CDKL3: variants seen among roughly 807,000 people sequenced by gnomAD.
CDKL3 encodes the protein cyclin-dependent kinase-like 3.
A neutral mutation model predicts 69.3 loss-of-function variants in CDKL3; 65 were observed. The ratio of observed to expected loss-of-function variants is 0.94; its 90% CI spans 0.77 to 1.15. The LOEUF is 1.15. CDKL3 is among the 50% of genes most tolerant of loss of function. The pLI is 0.00. For synonymous variants in CDKL3, 202 were observed against 221.6 expected, an observed-to-expected ratio of 0.91 and a Z score of 0.79; for missense variants, 652 against 689.2, an observed-to-expected ratio of 0.95 and a Z score of 0.61.
At chr5:134,298,891 G>A (rs1465498604) in intron 12 of CDKL3, among the ~76,000 whole-genome samples, 181 bp from the exon 13 acceptor site, 2 of 151,972 alleles carry the variant, frequency 1.3e-5, no homozygotes, top group Non-Finnish European at 2.9e-5. Context: ...GCGGGGGGCA[G>A]CGGGATGGAG....
chr5:134,348,348 C>T (rs1485919179), intron 4 of CDKL3, among the ~76,000 whole-genome samples: 1 of 152,086 alleles, frequency 6.6e-6, no homozygotes, highest in Non-Finnish European at 1.5e-5. Flanking sequence ...GGGCAAAATC[C>T]TATTTTTTGA....
chr5:134,300,068 G>A (rs549538308), intron 12 of CDKL3, among the ~76,000 whole-genome samples: 1 of 152,294 alleles, frequency 6.6e-6, no homozygotes, highest in African/African-American at 2.4e-5. Flanking sequence ...GCAGGGCGTG[G>A]TGGCTCACAC....
intron 3 of CDKL3, among the ~76,000 whole-genome samples, chr5:134,355,092 T>C (rs1239499609): frequency 7.0e-6 from 1 of 142,774 alleles, no homozygotes; most frequent in East Asian, 2.1e-4. Context: ...TTGGCACTAC[T>C]AAAAATTAAA....
At chr5:134,288,912 T>G (rs114118002) in intron 8 of CDKL3, among the ~76,000 whole-genome samples, 1,900 of 152,124 alleles carry the variant, frequency 0.012, 33 homozygotes, top group African/African-American at 0.043. Flanking sequence ...AATATGTGAC[T>G]TTAAATAAAA....
chr5:134,288,274 A>G (rs1487175473), intron 8 of CDKL3, among the ~76,000 whole-genome samples: 1 of 152,188 alleles, frequency 6.6e-6, no homozygotes, highest in Admixed American at 6.5e-5. Context: ...AAAAGTTGGA[A>G]AGTGTTGAGC....
intron 2 of CDKL3, 83 bp downstream of exon 2, chr5:134,366,276 G>T: frequency 1.1e-6 from 1 of 945,776 alleles, no homozygotes; most frequent in Non-Finnish European, 1.5e-6. Flanking sequence ...ATCAGTACGT[G>T]TGAACTAAAA....
chr5:134,319,414 T>G lies in CDKL3; in HGVS notation c.736A>C (p.Lys246Gln). 1 of 1,543,104 alleles carries G rather than the reference T, an allele frequency of 6.5e-7. No homozygotes were observed. The highest frequency in any genetic ancestry group is 1.2e-5 in the South Asian group (1 of 81,696). Residue 246 changes from lysine to glutamine, a missense_variant, in exon 6 of 13, where the codon AAA (lysine) becomes CAA (glutamine). By Grantham distance (53) the Lys-to-Gln change is moderately conservative. Transcript: ENST00000265334. ...TTTGGATATTTTTTTCTTGCATTTTTGGGGTGTTGAACTTGAGGAAGAACT... is the reference window on the plus strand; with the variant it reads ...TTTGGATATTTTTTTCTTGCATTTTGGGGGTGTTGAACTTGAGGAAGAACT... ...GVVLPQVQHP[K>Q]NARKKYPKLN... is the part of the protein sequence containing the mutation.
At chr5:134,289,531 T>C (rs933967142) in intron 8 of CDKL3, among the ~76,000 whole-genome samples, 1 of 152,186 alleles carries the variant, frequency 6.6e-6, no homozygotes, top group South Asian at 2.1e-4. Flanking sequence ...TCCTGAGACT[T>C]TGGAGGAAAC....
downstream of CDKL3, among the ~76,000 whole-genome samples, chr5:134,295,551 C>T (rs943301542): frequency 6.6e-6 from 1 of 152,130 alleles, no homozygotes; most frequent in African/African-American, 2.4e-5. Context: ...TTTGCACCAA[C>T]CTAATAGTTG....
At chr5:134,316,726 G>A (rs979001405) in intron 6 of CDKL3, among the ~76,000 whole-genome samples, 1 of 151,954 alleles carries the variant, frequency 6.6e-6, no homozygotes, top group Non-Finnish European at 1.5e-5. Context: ...GAAATACTAC[G>A]CAATCACTGA....
At position 134,366,969 on chromosome 5, in the gene CDKL3, T is replaced by C. The variant is rs1757586768; in HGVS notation, c.-22+8A>G. 2 of 989,638 alleles carry C rather than the reference T, an allele frequency of 2.0e-6. No individual in the cohort carries two copies. The highest frequency in any genetic ancestry group is 3.5e-5 in the African/African-American group (2 of 57,302). 61.3% of individuals were successfully genotyped at this position (989,638 alleles called of 1,614,324 possible). Reference sequence around the variant, plus strand: ...GCAACTCAAACCACACGTCTTAGGATGCCGGACCGGCGTCACGCCCCACGT... The same window carrying C: ...GCAACTCAAACCACACGTCTTAGGACGCCGGACCGGCGTCACGCCCCACGT... On this transcript the variant is annotated splice_region_variant and intron_variant, in intron 1 of 12. Transcript: ENST00000265334.
Position 134,335,428 on chromosome 5 carries a change from T to C in CDKL3, c.540-13525A>G, listed in dbSNP as rs111970648. Among the ~76,000 whole-genome samples, 1,473 of 152,336 alleles carry C rather than the reference T, an allele frequency of 9.7e-3. 12 individuals carry two copies. The highest frequency in any genetic ancestry group is 0.031 in the African/African-American group (1,308 of 41,570). On this transcript the variant is annotated intron_variant, in intron 4 of 12. Coordinates refer to ENST00000265334, the MANE Select transcript of CDKL3 (RefSeq NM_001113575.2). Reference sequence around the variant, plus strand: ...GTTTCTTCATAGCGTCGATGGTCTTTACAATTTGGCATGTTTTTGCAGTGG... The same window carrying C: ...GTTTCTTCATAGCGTCGATGGTCTTCACAATTTGGCATGTTTTTGCAGTGG...
intron 2 of CDKL3, among the ~76,000 whole-genome samples, chr5:134,361,777 A>G (rs1756074775): frequency 6.6e-6 from 1 of 152,164 alleles, no homozygotes; most frequent in Admixed American, 6.6e-5. Context: ...GGTGGTGGGC[A>G]CCTGTAATCC....
intron 4 of CDKL3, among the ~76,000 whole-genome samples, chr5:134,329,404 G>T (rs1428484927): frequency 6.6e-6 from 1 of 151,876 alleles, no homozygotes; most frequent in African/African-American, 2.4e-5. Flanking sequence ...AATTATAAAA[G>T]GCAATATAAA....
chr5:134,366,018 GATTAA>G (rs753419197), intron 2 of CDKL3, among the ~76,000 whole-genome samples: 1 of 152,120 alleles, frequency 6.6e-6, no homozygotes, highest in Non-Finnish European at 1.5e-5. Context: ...TCTCCTTTCT[GATTAA>G]ATTATAGAAG....
chr5:134,326,829 A>ATATGTGTGTG (rs1554090788), intron 4 of CDKL3, among the ~76,000 whole-genome samples: 1 of 86,266 alleles, frequency 1.2e-5, no homozygotes, highest in East Asian at 3.4e-4. Flanking sequence ...ATATATATAT[A>ATATGTGTGTG]TATATATATA....
chr5:134,306,536 T>C, intron 10 of CDKL3, 73 bp downstream of exon 10: 1 of 907,006 alleles, frequency 1.1e-6, no homozygotes, highest in Non-Finnish European at 1.8e-6. Flanking sequence ...ATTAGAGCCC[T>C]AAAGATAGAG....
chr5:134,326,827 A>ATGTGTGTG (rs778337033), intron 4 of CDKL3, among the ~76,000 whole-genome samples: 5 of 103,086 alleles, frequency 4.9e-5, no homozygotes, highest in East Asian at 4.9e-4. Flanking sequence ...GTATATATAT[A>ATGTGTGTG]TATATATATA....
intron 7 of CDKL3, among the ~76,000 whole-genome samples, chr5:134,309,857 G>T (rs752631423): frequency 6.6e-6 from 1 of 152,016 alleles, no homozygotes; most frequent in Non-Finnish European, 1.5e-5. Flanking sequence ...TTTCAGACAC[G>T]GTCTCTCTCT....
Sources: gnomAD v4.1 joint callset for allele counts (sites outside exome capture counted in the v4.1 genomes callset) on GRCh38, gnomAD v4.1.1 for gene constraint, MANE v1.5 for transcripts, NCBI Gene and HGNC (gene_info 2026-07-23, HGNC 2026-07-21) for gene names.